Variants in KCNIP4 observed in about 807,000 individuals in gnomAD.
KCNIP4 encodes Kv channel-interacting protein 4.
A neutral mutation model predicts 34.0 loss-of-function variants in KCNIP4; 12 were observed. The observed-to-expected ratio is 0.35, with a 90% CI of 0.23 to 0.57. KCNIP4 has a LOEUF of 0.57. Ranked by LOEUF, KCNIP4 falls within the 20% of genes least tolerant of loss-of-function variation. KCNIP4 has a pLI of 0.83. For missense variants in KCNIP4, 238 were observed against 311.7 expected (o/e 0.76, Z 1.78); for synonymous variants, 124 against 102.2 (o/e 1.21, Z -1.29).
At chr4:20,896,321 G>A (rs11946061) in intron 1 of KCNIP4, among the ~76,000 whole-genome samples, 3,660 of 152,230 alleles carry the variant, frequency 0.024, 128 homozygotes, top group African/African-American at 0.076. Context: ...GTTTACACAT[G>A]GACATTGTAA....
intron 1 of KCNIP4, among the ~76,000 whole-genome samples, chr4:21,386,723 G>A (rs560526644): frequency 1.3e-5 from 2 of 152,224 alleles, no homozygotes; most frequent in Middle Eastern, 3.4e-3. Flanking sequence ...GAGGGGACAC[G>A]ACTAACATTT....
At chr4:21,567,667 A>G (rs1347543479) in intron 1 of KCNIP4, among the ~76,000 whole-genome samples, 2 of 152,120 alleles carry the variant, frequency 1.3e-5, no homozygotes, top group Non-Finnish European at 2.9e-5. Context: ...AAATACATAA[A>G]CCATCTGAAA....
intron 1 of KCNIP4, among the ~76,000 whole-genome samples, chr4:21,462,326 G>A (rs866551957): frequency 7.2e-5 from 11 of 152,216 alleles, no homozygotes; most frequent in Middle Eastern, 3.4e-3. Context: ...CAATCACTGC[G>A]GAAGGCAAGG....
At chr4:21,790,750 C>G (rs1412650978) in intron 1 of KCNIP4, among the ~76,000 whole-genome samples, 8 of 151,920 alleles carry the variant, frequency 5.3e-5, no homozygotes, top group South Asian at 2.1e-4. Context: ...TAGAAAGAAC[C>G]CTAACCATAT....
chr4:21,592,073 T>C (rs956262796), intron 1 of KCNIP4, among the ~76,000 whole-genome samples: 1 of 152,062 alleles, frequency 6.6e-6, no homozygotes, highest in Non-Finnish European at 1.5e-5. Flanking sequence ...AGTAACAGAA[T>C]TCAGGCTGAA....
At chr4:20,833,185 G>A (rs1022285895) in intron 3 of KCNIP4, among the ~76,000 whole-genome samples, 34 of 152,132 alleles carry the variant, frequency 2.2e-4, no homozygotes, top group Non-Finnish European at 4.3e-4. Context: ...GATAACGTGC[G>A]GTGCACATTA....
intron 1 of KCNIP4, among the ~76,000 whole-genome samples, chr4:21,124,440 C>G (rs1750438221): frequency 6.6e-6 from 1 of 152,160 alleles, no homozygotes; most frequent in South Asian, 2.1e-4. Context: ...CTCTCTCAAC[C>G]TCTGCTTCTT....
At chr4:21,798,408 T>C (rs75354672) in intron 1 of KCNIP4, among the ~76,000 whole-genome samples, 55 of 103,830 alleles carry the variant, frequency 5.3e-4, no homozygotes, top group African/African-American at 2.9e-3. Context: ...AAAATACATA[T>C]ATATATATAT....
rs574754678 is a variant in KCNIP4, at chr4:20,742,835, T to C, written c.429+6827A>G. 3.9e-5 allele frequency among the ~76,000 whole-genome samples: 6 copies of C among 152,212 alleles called. No homozygotes were observed. In the South Asian group the frequency reaches 1.0e-3, roughly 26 times the overall value. On this transcript the variant is annotated intron_variant, in intron 5 of 8. Transcript: ENST00000382152. ...AAAACCCTGTCGTCTCAGCCCAAAA[T>C]CTCCTTAAACTGATAAGCAACTTAA...
At chr4:21,221,708 C>T (rs989675800) in intron 1 of KCNIP4, among the ~76,000 whole-genome samples, 1 of 152,074 alleles carries the variant, frequency 6.6e-6, no homozygotes, top group Non-Finnish European at 1.5e-5. Context: ...GGCAACTCCA[C>T]TCTGGCAGCA....
At chr4:21,273,376 T>C (rs1762265607) in intron 1 of KCNIP4, among the ~76,000 whole-genome samples, 1 of 152,110 alleles carries the variant, frequency 6.6e-6, no homozygotes, top group Middle Eastern at 3.2e-3. Context: ...TGCTGAGTTA[T>C]CTCCCACAGA....
chr4:21,395,082 A>C (rs1722874848), intron 1 of KCNIP4, among the ~76,000 whole-genome samples: 1 of 152,194 alleles, frequency 6.6e-6, no homozygotes, highest in Non-Finnish European at 1.5e-5. Flanking sequence ...TCAGAACCCC[A>C]GAGTTGGTAT....
At chr4:20,742,963 A>T (rs1045195712) in intron 5 of KCNIP4, among the ~76,000 whole-genome samples, 2 of 152,126 alleles carry the variant, frequency 1.3e-5, no homozygotes, top group African/African-American at 4.8e-5. Flanking sequence ...TCCCATTCAC[A>T]ATTGCTTCAA....
chr4:21,250,724 T>G (rs1053274025), intron 1 of KCNIP4, among the ~76,000 whole-genome samples: 5 of 152,008 alleles, frequency 3.3e-5, no homozygotes, highest in Admixed American at 6.6e-5. Flanking sequence ...TTGTTTGCTT[T>G]TCTAAAAAAA....
intron 1 of KCNIP4, among the ~76,000 whole-genome samples, chr4:21,725,367 C>T (rs1394197955): frequency 6.6e-6 from 1 of 152,074 alleles, no homozygotes; most frequent in Non-Finnish European, 1.5e-5. Flanking sequence ...AGATGTACTT[C>T]GAAGTCATCC....
chr4:21,265,882 CAA>C (rs1761774297), intron 1 of KCNIP4, among the ~76,000 whole-genome samples: 1 of 152,180 alleles, frequency 6.6e-6, no homozygotes, highest in Non-Finnish European at 1.5e-5. Flanking sequence ...AGGAACTTTG[CAA>C]AGTGTCTATA....
chr4:21,303,980 A>T, intron 1 of KCNIP4: 1 of 1,478,580 alleles, frequency 6.8e-7, no homozygotes, highest in South Asian at 1.2e-5. Context: ...TAAAGCCATT[A>T]AACTACATTA....
At chr4:21,407,492 G>T (rs1007884344) in intron 1 of KCNIP4, among the ~76,000 whole-genome samples, 1 of 152,108 alleles carries the variant, frequency 6.6e-6, no homozygotes, top group African/African-American at 2.4e-5. Context: ...CTTGAACAGT[G>T]TCTGGAGTAA....
At chr4:20,749,766 G>T (rs1560433113) in intron 4 of KCNIP4, 34 bp from the exon 5 acceptor site, 2 of 1,435,200 alleles carry the variant, frequency 1.4e-6, no homozygotes, top group East Asian at 2.3e-5. Context: ...CATTAAGTCA[G>T]TGTTTCCATA....
Sources: gnomAD v4.1 joint callset for allele counts (sites outside exome capture counted in the v4.1 genomes callset) on GRCh38, gnomAD v4.1.1 for gene constraint, MANE v1.5 for transcripts, NCBI Gene and HGNC (gene_info 2026-07-23, HGNC 2026-07-21) for gene names.